The following TSHR variants were observed in gnomAD, a reference collection of about 807,000 sequenced individuals.
TSHR encodes thyrotropin receptor.
In TSHR, 51 loss-of-function variants were observed where a neutral mutation model predicts 64.1. The ratio of observed to expected loss-of-function variants is 0.80; its 90% CI spans 0.64 to 1.01. The LOEUF (loss-of-function observed/expected upper bound fraction) is 1.01. Ranked by LOEUF, TSHR falls within the 50% of genes least tolerant of loss-of-function variation. The pLI is 0.00. For missense variants in TSHR, 877 were observed against 942.8 expected, an observed-to-expected ratio of 0.93 and a Z score of 0.91; for synonymous variants, 361 against 361.9, an observed-to-expected ratio of 1.00 and a Z score of 0.03.
In TSHR at chr14:81,029,482, G is replaced by T. The variant is rs1039877965; in HGVS notation, c.171-32666G>T. Reference sequence around the variant, plus strand: ...AGCTGTCCTGATTTGGATTGTTACAGTTCCATATCTGCACCCCCAGCAGTT... The same window carrying T: ...AGCTGTCCTGATTTGGATTGTTACATTTCCATATCTGCACCCCCAGCAGTT... On this transcript the variant is annotated intron_variant, in intron 1 of 9. Transcript: ENST00000298171. Among the ~76,000 whole-genome samples the T allele has an allele frequency of 7.9e-5, 12 of 152,152 alleles. No individual in the cohort carries two copies. In the East Asian group the frequency reaches 2.1e-3, roughly 27 times the overall value.
At chr14:81,013,830 A>G (rs1363134528) in intron 1 of TSHR, 1 of 152,166 alleles carries the variant, frequency 6.6e-6, no homozygotes, top group African/African-American at 2.4e-5. Context: ...GTGGTCTGGC[A>G]TCATCTATAT....
intron 1 of TSHR, among the ~76,000 whole-genome samples, chr14:80,964,134 A>C (rs1236193168): frequency 1.3e-5 from 2 of 152,126 alleles, no homozygotes; most frequent in African/African-American, 4.8e-5. Context: ...TGAGAGGCGG[A>C]GCGGGGGCGG....
At chr14:81,011,321 G>A (rs1029366186) in intron 1 of TSHR, among the ~76,000 whole-genome samples, 1 of 151,940 alleles carries the variant, frequency 6.6e-6, no homozygotes, top group African/African-American at 2.4e-5. Context: ...TAGGGACAGG[G>A]AAAATAGATA....
intron 9 of TSHR, 83 bp from the exon 10 acceptor site, chr14:81,142,857 G>T: frequency 8.1e-7 from 1 of 1,238,940 alleles, no homozygotes; most frequent in Admixed American, 1.7e-5. Flanking sequence ...CAATCCACCT[G>T]CCTTGGCCTC....
At chr14:80,963,685 G>A (rs941098566) in intron 1 of TSHR, among the ~76,000 whole-genome samples, 1 of 152,200 alleles carries the variant, frequency 6.6e-6, no homozygotes, top group African/African-American at 2.4e-5. Context: ...TCATCTTGAT[G>A]TCTTTGTGTC....
chr14:81,062,762 G>T (rs1012097001), intron 2 of TSHR, among the ~76,000 whole-genome samples: 3 of 152,122 alleles, frequency 2.0e-5, no homozygotes, highest in Non-Finnish European at 4.4e-5. Flanking sequence ...TCCATATTGG[G>T]TTGACAAAGA....
intron 1 of TSHR, among the ~76,000 whole-genome samples, chr14:80,972,263 A>G (rs1477881816): frequency 1.3e-5 from 2 of 152,148 alleles, no homozygotes; most frequent in African/African-American, 4.8e-5. Flanking sequence ...TTTTTGTACT[A>G]CCTTAAAAAA....
rs1886770375 is a variant in TSHR, at chr14:81,067,954, TC to T, written c.243-299del. On this transcript the variant is annotated intron_variant, in intron 2 of 9. Transcript: ENST00000298171. ...ATATATATATATATATATATATATA[TC>T]GCTAAATATGCATATGGGAAATTTT... Among the ~76,000 whole-genome samples the T allele has an allele frequency of 2.2e-5, 3 of 139,338 alleles. 1 individual carries two copies. Among genetic ancestry groups the T allele is most frequent in the Non-Finnish European group, 3.1e-5 (2 of 65,376 alleles). The allele number at this position is 139,338 out of a possible 152,430, so 91.4% of individuals were successfully genotyped here.
intron 1 of TSHR, among the ~76,000 whole-genome samples, chr14:80,958,631 T>C (rs987397822): frequency 6.6e-6 from 1 of 152,170 alleles, no homozygotes; most frequent in African/African-American, 2.4e-5. Flanking sequence ...AAGACTAAGT[T>C]AGTCTTTCTT....
intron 8 of TSHR, among the ~76,000 whole-genome samples, chr14:81,110,768 C>T (rs560215526): frequency 2.0e-5 from 3 of 151,962 alleles, no homozygotes; most frequent in East Asian, 1.9e-4. Flanking sequence ...TGCAGTTAAG[C>T]CTGCTCTATT....
chr14:81,046,191 C>T (rs1307473673), intron 1 of TSHR, among the ~76,000 whole-genome samples: 1 of 151,948 alleles, frequency 6.6e-6, no homozygotes, highest in Admixed American at 6.6e-5. Context: ...GAAATATGAT[C>T]CAGAACAAAC....
At chr14:80,994,016 TGACACA>T (rs932986825) in intron 1 of TSHR, 2 of 152,252 alleles carry the variant, frequency 1.3e-5, no homozygotes, top group African/African-American at 4.8e-5. Context: ...CTTCCATCTC[TGACACA>T]GTGAGACAGC....
intron 1 of TSHR, among the ~76,000 whole-genome samples, chr14:81,047,621 T>C (rs1478114452): frequency 1.3e-5 from 2 of 151,980 alleles, no homozygotes; most frequent in Non-Finnish European, 2.9e-5. Context: ...GGACAGCTCC[T>C]TTCCAGAACA....
At chr14:81,138,886 G>C (rs1891565667) in intron 8 of TSHR, among the ~76,000 whole-genome samples, 1 of 152,170 alleles carries the variant, frequency 6.6e-6, no homozygotes, top group South Asian at 2.1e-4. Context: ...CAATAAAAAT[G>C]ATGGAGCAAG....
intron 1 of TSHR, among the ~76,000 whole-genome samples, chr14:80,988,934 C>T (rs1323632469): frequency 6.6e-6 from 1 of 152,170 alleles, no homozygotes; most frequent in East Asian, 1.9e-4. Flanking sequence ...ACCTATGAGT[C>T]ACTCACAGAA....
At chr14:80,978,987 T>G (rs1479763465) in intron 1 of TSHR, among the ~76,000 whole-genome samples, 1 of 152,246 alleles carries the variant, frequency 6.6e-6, no homozygotes, top group African/African-American at 2.4e-5. Context: ...AGCACTAAAC[T>G]TATTTCATCC....
chr14:81,060,903 C>T (rs879753582), intron 1 of TSHR, among the ~76,000 whole-genome samples: 1 of 152,062 alleles, frequency 6.6e-6, no homozygotes, highest in African/African-American at 2.4e-5. Flanking sequence ...AAGAGCGTAA[C>T]TCAAAAAATG....
chr14:81,073,751 T>C (rs1306841584), intron 3 of TSHR, among the ~76,000 whole-genome samples: 1 of 152,174 alleles, frequency 6.6e-6, no homozygotes, highest in Non-Finnish European at 1.5e-5. Context: ...ATCATTTATG[T>C]ATCCTTCATA....
intron 6 of TSHR, among the ~76,000 whole-genome samples, chr14:81,093,349 A>G (rs1418103082): frequency 6.6e-6 from 1 of 152,246 alleles, no homozygotes; most frequent in East Asian, 1.9e-4. Context: ...TAATAGAGGT[A>G]TAAAGGATAA....
Sources: gnomAD v4.1 joint callset for allele counts (sites outside exome capture counted in the v4.1 genomes callset) on GRCh38, gnomAD v4.1.1 for gene constraint, MANE v1.5 for transcripts, NCBI Gene and HGNC (gene_info 2026-07-23, HGNC 2026-07-21) for gene names.